MRPS31: variants seen among roughly 807,000 people sequenced by gnomAD.
MRPS31 encodes small ribosomal subunit protein mS31.
MRPS31 carries 32 observed loss-of-function variants against 43.1 expected under a neutral mutation model. The ratio of observed to expected loss-of-function variants is 0.74; its 90% CI spans 0.56 to 1.00. The LOEUF is 1.00. Among genes scored for constraint, MRPS31 ranks in the 50% least tolerant of loss-of-function variants. The pLI, the probability that MRPS31 is intolerant of heterozygous loss-of-function variation, is 0.00. For synonymous variants in MRPS31, 165 were observed against 161.6 expected (o/e 1.02, Z -0.16); for missense variants, 437 against 466.7 (o/e 0.94, Z 0.59).
chr13:40,740,936 TAAA>T (rs145793269), intron 6 of MRPS31, among the ~76,000 whole-genome samples: 2,404 of 121,176 alleles, frequency 0.02, 38 homozygotes, highest in African/African-American at 0.062. Flanking sequence ...TAAAGTATAA[TAAA>T]AAAAAATTAA....
intron 6 of MRPS31, among the ~76,000 whole-genome samples, chr13:40,747,129 A>G (rs1381362041): frequency 6.6e-6 from 1 of 151,280 alleles, no homozygotes; most frequent in Non-Finnish European, 1.5e-5. Context: ...CCCAGGCTGG[A>G]GTGCTGTGGC....
intron 6 of MRPS31, among the ~76,000 whole-genome samples, chr13:40,745,138 T>C (rs1880207287): frequency 6.6e-6 from 1 of 151,020 alleles, no homozygotes. Flanking sequence ...ACCAGTCTGG[T>C]CTCAAACTCC....
chr13:40,748,028 A>G (rs1324805677), intron 6 of MRPS31, among the ~76,000 whole-genome samples: 1 of 152,218 alleles, frequency 6.6e-6, no homozygotes, highest in Non-Finnish European at 1.5e-5. Context: ...AGATTATCAA[A>G]AATTAAGATA....
rs1369735166 is a variant in MRPS31 at position 40,766,909 on chromosome 13, C to T, written c.277G>A (p.Glu93Lys). 1.3e-5 allele frequency: 21 copies of T among 1,613,984 alleles called. No individual in the cohort carries two copies. The highest frequency in any genetic ancestry group is 1.6e-5 in the Non-Finnish European group (19 of 1,179,996). ...ETSESQDSEKENTKKDLLGII... is the reference protein window; with the variant it reads ...ETSESQDSEKKNTKKDLLGII... ...CCTAACAAGTCTTTTTTCGTATTTT[C>T]CTTTTCACTGTCTTGGCTCTCTGAA... The change falls in exon 2 of 7, where the codon GAA (glutamate) becomes AAA (lysine). Residue 93 changes from glutamate (E) to lysine (K), a missense_variant. By Grantham distance (56) the Glu-to-Lys change is moderately conservative. Transcript: ENST00000323563.
At chr13:40,735,375 GGCTTGCTTAGGT>G (rs1441378593) in intron 6 of MRPS31, among the ~76,000 whole-genome samples, 1 of 152,226 alleles carries the variant, frequency 6.6e-6, no homozygotes, top group East Asian at 1.9e-4. Flanking sequence ...CCATTGCCCA[GGCTTGCTTAGGT>G]AAACAAAGCA....
chr13:40,762,258 T>C (rs1015450626), intron 2 of MRPS31, among the ~76,000 whole-genome samples: 2 of 152,070 alleles, frequency 1.3e-5, no homozygotes, highest in Non-Finnish European at 2.9e-5. Context: ...GAAACAAATT[T>C]GTGGAATTTG....
rs1276251312 is a variant in MRPS31, at chr13:40,771,096, A to G, written c.41T>C (p.Leu14Pro). The part of the protein sequence containing the change: ...RVSTFLPLRP[L>P]SRHPLSSGSP... ...TCCAGAGGACAAAGGGTGGCGGGAA[A>G]GGGGGCGAAGAGGTAGGAACGTCGA... Residue 14 changes from leucine to proline, a missense_variant, in exon 1 of 7, where the codon CTT becomes CCT. Physicochemically the swap from Leu to Pro is moderately conservative, Grantham distance 98. Transcript: ENST00000323563. The G allele has an allele frequency of 6.2e-7, 1 of 1,613,828 alleles. No homozygotes were observed. The highest frequency in any genetic ancestry group is 1.1e-5 in the South Asian group (1 of 91,044).
At chr13:40,747,139 C>T (rs1880261488) in intron 6 of MRPS31, among the ~76,000 whole-genome samples, 1 of 151,726 alleles carries the variant, frequency 6.6e-6, no homozygotes, top group South Asian at 2.1e-4. Context: ...AGTGCTGTGG[C>T]ACGATCTTGG....
At chr13:40,732,814 G>A (rs1409214935) in intron 6 of MRPS31, among the ~76,000 whole-genome samples, 1 of 151,994 alleles carries the variant, frequency 6.6e-6, no homozygotes, top group African/African-American at 2.4e-5. Context: ...GGTTAGGCAT[G>A]AGCATATGTT....
At chr13:40,762,970 C>T (rs1433364777) in intron 2 of MRPS31, among the ~76,000 whole-genome samples, 2 of 152,114 alleles carry the variant, frequency 1.3e-5, no homozygotes, top group African/African-American at 4.8e-5. Flanking sequence ...GGGAAAGTTG[C>T]TGAATGAATA....
chr13:40,762,399 T>C (rs1880723019), intron 2 of MRPS31, among the ~76,000 whole-genome samples: 1 of 152,100 alleles, frequency 6.6e-6, no homozygotes, highest in African/African-American at 2.4e-5. Context: ...AATGTTACCT[T>C]ATCAGAGTTC....
chr13:40,764,789 G>C (rs544265456), intron 2 of MRPS31, among the ~76,000 whole-genome samples: 1 of 152,288 alleles, frequency 6.6e-6, no homozygotes, highest in South Asian at 2.1e-4. Context: ...AGACTTCTAA[G>C]TCTTCCAACT....
Position 40,754,069 on chromosome 13 carries a change from C to T in MRPS31, c.764G>A (p.Arg255Lys), listed in dbSNP as rs555429143. 1.4e-5 allele frequency: 23 copies of T among 1,595,316 alleles called. No homozygotes were observed. The South Asian group carries it at 2.6e-4, about 18-fold the overall frequency. ...KKRKNIFTGKRLNIFDMMAVT... is the reference protein window; with the variant it reads ...KKRKNIFTGKKLNIFDMMAVT... The stretch of plus-strand genomic sequence containing the variant: ...TGCCATCATGTCAAAAATATTAAGT[C>T]TTTTCCCTGTGAATATATTTTTCCT... The change falls in exon 5 of 7, where the codon AGA (arginine) becomes AAA (lysine). Residue 255 changes from arginine (R) to lysine (K), a missense_variant. Transcript: ENST00000323563.
chr13:40,771,096 A>T lies in MRPS31; in HGVS notation c.41T>A (p.Leu14His), dbSNP rs1276251312. 6.2e-7 allele frequency: 1 copy of T among 1,613,710 alleles called. No individual in the cohort carries two copies. The highest frequency in any genetic ancestry group is 1.3e-5 in the African/African-American group (1 of 74,900). The change falls in exon 1 of 7, where the codon CTT becomes CAT. Residue 14 changes from leucine (L) to histidine (H), a missense_variant. Leu to His is a moderately conservative substitution (Grantham distance 99, BLOSUM62 -3). Coordinates refer to ENST00000323563, the MANE Select transcript of MRPS31 (RefSeq NM_005830.4). ...RVSTFLPLRP[L>H]SRHPLSSGSP... ...TCCAGAGGACAAAGGGTGGCGGGAA[A>T]GGGGGCGAAGAGGTAGGAACGTCGA...
intron 6 of MRPS31, among the ~76,000 whole-genome samples, chr13:40,743,391 A>G (rs72476607): frequency 0.03 from 4,582 of 152,246 alleles, 174 homozygotes; most frequent in East Asian, 0.14. Context: ...CTGCACAGCA[A>G]AAAGAAATTT....
At chr13:40,762,169 C>A (rs1284039935) in intron 2 of MRPS31, among the ~76,000 whole-genome samples, 1 of 151,782 alleles carries the variant, frequency 6.6e-6, no homozygotes, top group East Asian at 1.9e-4. Flanking sequence ...TTGCTTGAGC[C>A]CAGAGGTAGA....
At chr13:40,768,763 G>A (rs1271612243) in intron 1 of MRPS31, among the ~76,000 whole-genome samples, 3 of 152,152 alleles carry the variant, frequency 2.0e-5, no homozygotes, top group Admixed American at 1.3e-4. Flanking sequence ...CTTTGTCCAG[G>A]AGACACTTGA....
chr13:40,730,445 A>C (rs1879647789), intron 6 of MRPS31, among the ~76,000 whole-genome samples: 1 of 152,124 alleles, frequency 6.6e-6, no homozygotes, highest in Non-Finnish European at 1.5e-5. Context: ...GAATTGTTTG[A>C]ACCCAAGAGG....
intron 6 of MRPS31, chr13:40,731,252 CAA>C (rs1161901636): frequency 5.1e-3 from 333 of 64,974 alleles, no homozygotes; most frequent in Middle Eastern, 9.3e-3. Context: ...GACCCTGTCT[CAA>C]AAAAAAAAAA....
Sources: gnomAD v4.1 joint callset for allele counts (sites outside exome capture counted in the v4.1 genomes callset) on GRCh38, gnomAD v4.1.1 for gene constraint, MANE v1.5 for transcripts, NCBI Gene and HGNC (gene_info 2026-07-23, HGNC 2026-07-21) for gene names.